KCNQ5: variants seen among roughly 807,000 people sequenced by gnomAD.
KCNQ5 encodes potassium voltage-gated channel subfamily Q member 5.
KCNQ5 carries 30 observed loss-of-function variants against 98.2 expected under a neutral mutation model. The observed-to-expected ratio is 0.31, with a 90% confidence interval of 0.23 to 0.41. The LOEUF (loss-of-function observed/expected upper bound fraction) is 0.41, where lower values mean the gene tolerates loss of function less well. Ranked by LOEUF, KCNQ5 falls within the 10% of genes least tolerant of loss-of-function variation. KCNQ5 has a pLI of 1.00. For synonymous variants in KCNQ5, 458 were observed against 449.4 expected (o/e 1.02, Z -0.24); for missense variants, 835 against 1,182.5 (o/e 0.71, Z 4.31).
intron 1 of KCNQ5, among the ~76,000 whole-genome samples, chr6:72,953,550 C>T (rs1207910416): frequency 6.6e-6 from 1 of 152,156 alleles, no homozygotes; most frequent in Admixed American, 6.5e-5. Flanking sequence ...TGTCCCTCTC[C>T]CTCCCCACAG....
intron 1 of KCNQ5, among the ~76,000 whole-genome samples, chr6:72,823,364 T>G (rs1775841098): frequency 6.6e-6 from 1 of 152,096 alleles, no homozygotes. Context: ...ACTGATTATA[T>G]GTATCATTAA....
rs532242941 is a variant in KCNQ5 at position 73,196,139 on chromosome 6, T to C, written c.*725T>C. On this transcript the variant is annotated 3_prime_UTR_variant, in exon 14 of 14. Coordinates refer to ENST00000370398, the MANE Select transcript of KCNQ5 (RefSeq NM_019842.4). ...ACATATTTGACTTTATGAAAACATA[T>C]TGCCTGATGGCAGAATCAACTTTAT... 1 of 152,604 alleles carries C rather than the reference T, an allele frequency of 6.6e-6. No individual in the cohort carries two copies. The highest frequency in any genetic ancestry group is 2.1e-4 in the South Asian group (1 of 4,828). The allele number at this position is 152,604 out of a possible 1,614,324, so 9.5% of individuals were successfully genotyped here.
chr6:73,111,830 GTTT>G (rs1775253615), intron 7 of KCNQ5, among the ~76,000 whole-genome samples: 1 of 152,196 alleles, frequency 6.6e-6, no homozygotes, highest in Non-Finnish European at 1.5e-5. Flanking sequence ...CAACATATTT[GTTT>G]AGAATGTCAA....
chr6:72,755,711 T>C (rs1022332553), intron 1 of KCNQ5, among the ~76,000 whole-genome samples: 2 of 152,220 alleles, frequency 1.3e-5, no homozygotes, highest in South Asian at 2.1e-4. Flanking sequence ...CTATGCTTGA[T>C]TTAGACGGTC....
chr6:73,095,968 A>T (rs1454923219), intron 5 of KCNQ5, among the ~76,000 whole-genome samples: 1 of 152,164 alleles, frequency 6.6e-6, no homozygotes, highest in Non-Finnish European at 1.5e-5. Context: ...AATTATCTGA[A>T]TCCAAGTTTC....
intron 1 of KCNQ5, among the ~76,000 whole-genome samples, chr6:72,931,715 A>C (rs892145962): frequency 2.1e-4 from 32 of 152,114 alleles, no homozygotes; most frequent in African/African-American, 7.2e-4. Context: ...CCTTCTTGTA[A>C]ATTTCCTTAA....
At chr6:72,973,097 A>G (rs895428389) in intron 1 of KCNQ5, among the ~76,000 whole-genome samples, 54 of 152,354 alleles carry the variant, frequency 3.5e-4, no homozygotes, top group African/African-American at 1.3e-3. Context: ...AACCATAGCC[A>G]CATTCACTGA....
At chr6:73,075,225 CT>C (rs60204032) in intron 3 of KCNQ5, among the ~76,000 whole-genome samples, 116,326 of 131,574 alleles carry the variant, frequency 0.88, 51,219 homozygotes, top group South Asian at 0.93. Context: ...TATAGTCTCA[CT>C]TTTTTTTTTT....
intron 1 of KCNQ5, among the ~76,000 whole-genome samples, chr6:72,668,097 A>G (rs1305831120): frequency 6.6e-6 from 1 of 152,226 alleles, no homozygotes; most frequent in African/African-American, 2.4e-5. Context: ...TGATAAATGT[A>G]CTATGATTAT....
At chr6:73,138,273 CA>C (rs1425388145) in intron 10 of KCNQ5, among the ~76,000 whole-genome samples, 6 of 152,152 alleles carry the variant, frequency 3.9e-5, no homozygotes, top group Non-Finnish European at 7.3e-5. Flanking sequence ...TGGCAGATTG[CA>C]AGCGAGAAAT....
chr6:72,676,285 T>C (rs1256428830), intron 1 of KCNQ5, among the ~76,000 whole-genome samples: 1 of 152,188 alleles, frequency 6.6e-6, no homozygotes, highest in Non-Finnish European at 1.5e-5. Flanking sequence ...TCTGAAAGAA[T>C]GGAAAATTTT....
chr6:73,186,776 T>C (rs763835717), intron 11 of KCNQ5, among the ~76,000 whole-genome samples: 8 of 152,310 alleles, frequency 5.3e-5, no homozygotes, highest in Non-Finnish European at 7.4e-5. Flanking sequence ...GTAACAGCTG[T>C]ATTTAATAAC....
At chr6:72,836,425 GCTCT>G (rs1224107502) in intron 1 of KCNQ5, among the ~76,000 whole-genome samples, 2 of 151,768 alleles carry the variant, frequency 1.3e-5, no homozygotes, top group African/African-American at 2.4e-5. Flanking sequence ...CAAATTTGGT[GCTCT>G]CTCTCTGTGT....
chr6:73,080,966 AATAC>A, intron 5 of KCNQ5, among the ~76,000 whole-genome samples: 1 of 152,196 alleles, frequency 6.6e-6, no homozygotes, highest in African/African-American at 2.4e-5. Flanking sequence ...AGTGAATAGC[AATAC>A]CTAGTTCATT....
At chr6:72,903,845 C>A (rs1168988733) in intron 1 of KCNQ5, among the ~76,000 whole-genome samples, 1 of 152,118 alleles carries the variant, frequency 6.6e-6, no homozygotes, top group Non-Finnish European at 1.5e-5. Flanking sequence ...CTGTTAAGTC[C>A]ATTTGTTCCA....
intron 1 of KCNQ5, among the ~76,000 whole-genome samples, chr6:72,918,200 T>C (rs1780246553): frequency 6.6e-6 from 1 of 152,148 alleles, no homozygotes; most frequent in Admixed American, 6.5e-5. Flanking sequence ...CATGCACTCC[T>C]CTCTCTTAAA....
At chr6:72,854,279 TA>T (rs1029203366) in intron 1 of KCNQ5, among the ~76,000 whole-genome samples, 32 of 127,424 alleles carry the variant, frequency 2.5e-4, no homozygotes, top group Middle Eastern at 4.2e-3. Flanking sequence ...AATTTTTTTT[TA>T]AAATTTGGTT....
intron 1 of KCNQ5, among the ~76,000 whole-genome samples, chr6:72,994,865 CATA>C (rs1349743653): frequency 2.6e-5 from 4 of 151,982 alleles, no homozygotes; most frequent in Non-Finnish European, 4.4e-5. Context: ...AATAGTTTCT[CATA>C]ATATTTTAGC....
At chr6:73,055,674 A>T in intron 3 of KCNQ5, 1 of 1,133,838 alleles carries the variant, frequency 8.8e-7, no homozygotes, top group Admixed American at 1.7e-5. Flanking sequence ...ACTGACAAGC[A>T]TCTGAAGGGT....
Sources: allele counts gnomAD v4.1 joint callset (sites outside exome capture counted in the v4.1 genomes callset), GRCh38; gene constraint gnomAD v4.1.1; transcripts MANE v1.5; gene names NCBI Gene and HGNC (gene_info 2026-07-23, HGNC 2026-07-21).